The following CMIP variants were observed in gnomAD, a reference collection of about 807,000 sequenced individuals.
CMIP encodes c-Maf inducing protein, also known as C-Maf-inducing protein.
In CMIP, 13 loss-of-function variants were observed where a neutral mutation model predicts 97.3. The ratio of observed to expected loss-of-function variants is 0.13; its 90% CI spans 0.09 to 0.21. The LOEUF is 0.21. Among genes scored for constraint, CMIP ranks in the 10% least tolerant of loss-of-function variants. The probability of loss-of-function intolerance (pLI) is 1.00; values close to 1 mark genes in which losing one functional copy is unlikely to be tolerated. For synonymous variants in CMIP, 538 were observed against 436.3 expected (o/e 1.23, Z -2.91); for missense variants, 847 against 1,024.9 (o/e 0.83, Z 2.37).
chr16:81,613,008 T>G (rs1288173222), intron 2 of CMIP, among the ~76,000 whole-genome samples: 1 of 152,196 alleles, frequency 6.6e-6, no homozygotes, highest in Non-Finnish European at 1.5e-5. Flanking sequence ...CGCAGCCTGG[T>G]CAGCTTTCCC....
intron 2 of CMIP, among the ~76,000 whole-genome samples, chr16:81,612,377 A>C (rs1470365005): frequency 6.6e-6 from 1 of 152,256 alleles, no homozygotes; most frequent in Middle Eastern, 3.4e-3. Flanking sequence ...TGTTCTGGAA[A>C]GTCCTGCAGG....
intron 1 of CMIP, among the ~76,000 whole-genome samples, chr16:81,477,443 G>A (rs1257402550): frequency 1.3e-5 from 2 of 152,158 alleles, no homozygotes; most frequent in South Asian, 2.1e-4. Context: ...TTACAGGCGT[G>A]AGCCACCGCA....
At chr16:81,615,184 ATGTG>A (rs1046952105) in intron 2 of CMIP, among the ~76,000 whole-genome samples, 3 of 82,834 alleles carry the variant, frequency 3.6e-5, no homozygotes, top group African/African-American at 1.4e-4. Flanking sequence ...TGGTACGTGT[ATGTG>A]TGGTGTGTGT....
At position 81,610,240 on chromosome 16, in the gene CMIP, G is replaced by A. The variant is rs765661024; in HGVS notation, c.426+2548G>A. On this transcript the variant is annotated intron_variant, in intron 2 of 20. Transcript: ENST00000537098. The stretch of plus-strand genomic sequence containing the variant: ...ATGTCCCTTTAACCCGGCTGTGGCC[G>A]CGGGCCCAGCTGTGATGACTCGCCT... The A allele has an allele frequency of 1.1e-4, 95 of 858,528 alleles. 1 individual carries two copies. The highest frequency in any genetic ancestry group is 1.2e-4 in the East Asian group (1 of 8,194). The allele number at this position is 858,528 out of a possible 1,614,324, so 53.2% of individuals were successfully genotyped here. A position where few individuals can be genotyped will look rare whatever the true frequency, so the allele number is the denominator to read the frequency against.
chr16:81,660,422 A>G (rs1202056145), intron 5 of CMIP, among the ~76,000 whole-genome samples: 1 of 151,790 alleles, frequency 6.6e-6, no homozygotes. Context: ...ACAGGGGCGC[A>G]CACCACCACA....
chr16:81,468,901 A>G (rs1907363932), intron 1 of CMIP, among the ~76,000 whole-genome samples: 1 of 152,136 alleles, frequency 6.6e-6, no homozygotes, highest in African/African-American at 2.4e-5. Flanking sequence ...GGGCTGGTGG[A>G]ATTGTGGAGG....
Position 81,444,872 on chromosome 16 carries a change from C to A in CMIP, c.-370C>A, listed in dbSNP as rs1345176635. Reference sequence around the variant, plus strand: ...ACACGCGCGCGGCGGCGCGGGGCCCCGAGACACGCCCGCCCCCACCCCGCC... The same window carrying A: ...ACACGCGCGCGGCGGCGCGGGGCCCAGAGACACGCCCGCCCCCACCCCGCC... On this transcript the variant is annotated 5_prime_UTR_variant, in exon 1 of 21. Transcript: ENST00000537098. Among the ~76,000 whole-genome samples, 4 of 143,024 alleles carry A rather than the reference C, an allele frequency of 2.8e-5. No individual in the cohort carries two copies. Among genetic ancestry groups the A allele is most frequent in the Admixed American group, 2.7e-4 (4 of 14,616 alleles). The allele number at this position is 143,024 out of a possible 152,430, so 93.8% of individuals were successfully genotyped here.
Position 81,706,539 on chromosome 16 carries a change from C to T in CMIP, c.2198-475C>T, listed in dbSNP as rs1006277287. 4.3e-4 allele frequency among the ~76,000 whole-genome samples: 65 copies of T among 152,224 alleles called. 2 individuals carry two copies. Among genetic ancestry groups the T allele is most frequent in the Non-Finnish European group, 8.8e-5 (6 of 68,038 alleles). ...CAGCACAGATTCCTGGTCCCTGCTGCGGCCCTGCTCAGCGTCTCTGGGAGT... is the reference window on the plus strand; with the variant it reads ...CAGCACAGATTCCTGGTCCCTGCTGTGGCCCTGCTCAGCGTCTCTGGGAGT... On this transcript the variant is annotated intron_variant, in intron 19 of 20. Coordinates refer to ENST00000537098, the MANE Select transcript of CMIP (RefSeq NM_198390.3).
chr16:81,557,583 G>A (rs2090790215), intron 1 of CMIP, among the ~76,000 whole-genome samples: 1 of 152,132 alleles, frequency 6.6e-6, no homozygotes, highest in African/African-American at 2.4e-5. Context: ...GGAGGACTAG[G>A]CAGCACAGTG....
intron 1 of CMIP, among the ~76,000 whole-genome samples, chr16:81,597,934 G>C (rs2091589866): frequency 6.6e-6 from 1 of 151,918 alleles, no homozygotes; most frequent in Admixed American, 6.6e-5. Context: ...CTGGGCATAG[G>C]GTTGCACCTA....
chr16:81,533,455 C>T (rs2090280231), intron 1 of CMIP, among the ~76,000 whole-genome samples: 1 of 152,174 alleles, frequency 6.6e-6, no homozygotes, highest in South Asian at 2.1e-4. Context: ...ATATTATTGT[C>T]ATTATGTGCT....
chr16:81,526,213 C>T (rs1384989266), intron 1 of CMIP, among the ~76,000 whole-genome samples: 1 of 152,186 alleles, frequency 6.6e-6, no homozygotes, highest in African/African-American at 2.4e-5. Flanking sequence ...AAGAAAGCTC[C>T]TGACTTCCAG....
intron 3 of CMIP, chr16:81,630,489 C>T (rs552799282): frequency 6.6e-6 from 1 of 152,418 alleles, no homozygotes; most frequent in East Asian, 1.9e-4. Flanking sequence ...AGTGACCGCC[C>T]AGGCCTATGG....
At chr16:81,477,638 G>A (rs908620808) in intron 1 of CMIP, among the ~76,000 whole-genome samples, 7 of 152,224 alleles carry the variant, frequency 4.6e-5, no homozygotes, top group Non-Finnish European at 7.3e-5. Context: ...ATTTAAAAAT[G>A]CAGCAGCTTA....
intron 1 of CMIP, among the ~76,000 whole-genome samples, chr16:81,468,913 C>T (rs760052642): frequency 1.3e-5 from 2 of 152,190 alleles, no homozygotes; most frequent in African/African-American, 4.8e-5. Flanking sequence ...TTGTGGAGGG[C>T]GGACGCAGTG....
At chr16:81,477,332 T>C (rs1567535026) in intron 1 of CMIP, among the ~76,000 whole-genome samples, 1 of 152,172 alleles carries the variant, frequency 6.6e-6, no homozygotes, top group Non-Finnish European at 1.5e-5. Flanking sequence ...GGCTAATTTT[T>C]ATATTTTTAG....
intron 1 of CMIP, among the ~76,000 whole-genome samples, chr16:81,521,357 C>A (rs946053971): frequency 7.8e-6 from 1 of 127,490 alleles, no homozygotes; most frequent in Non-Finnish European, 1.6e-5. Context: ...TTTTAGTTAT[C>A]TGGTGGCTTC....
chr16:81,635,284 T>C (rs544459539), intron 3 of CMIP, among the ~76,000 whole-genome samples: 1 of 150,964 alleles, frequency 6.6e-6, no homozygotes, highest in Non-Finnish European at 1.5e-5. Flanking sequence ...GGCCAATTAC[T>C]GAGGTTCAGA....
chr16:81,463,463 C>T (rs1480646509), intron 1 of CMIP, among the ~76,000 whole-genome samples: 3 of 152,182 alleles, frequency 2.0e-5, no homozygotes, highest in East Asian at 3.8e-4. Context: ...ACTCCCACTA[C>T]GTTTGGCGGG....
Sources: allele counts gnomAD v4.1 joint callset (sites outside exome capture counted in the v4.1 genomes callset), GRCh38; gene constraint gnomAD v4.1.1; transcripts MANE v1.5; gene names NCBI Gene and HGNC (gene_info 2026-07-23, HGNC 2026-07-21).